Variants in PCDHGB4 observed in about 807,000 individuals in gnomAD.
PCDHGB4 encodes the protein protocadherin gamma subfamily B, 4, also known as protocadherin gamma-B4.
PCDHGB4 carries 38 observed loss-of-function variants against 60.5 expected under a neutral mutation model. That is an observed-to-expected ratio of 0.63 (90% confidence interval 0.48 to 0.82). The LOEUF (loss-of-function observed/expected upper bound fraction) is 0.82, where lower values mean the gene tolerates loss of function less well. PCDHGB4 is among the 40% of genes least tolerant of loss of function. PCDHGB4 has a pLI of 0.00. For synonymous variants in PCDHGB4, 456 were observed against 509.7 expected, an observed-to-expected ratio of 0.89 and a Z score of 1.42; for missense variants, 1,109 against 1,209.6, an observed-to-expected ratio of 0.92 and a Z score of 1.23.
intron 3 of PCDHGB4, 46 bp downstream of exon 3, chr5:141,505,527 T>C: frequency 6.2e-7 from 1 of 1,612,388 alleles, no homozygotes; most frequent in Non-Finnish European, 8.5e-7. Context: ...GACCTGGGGT[T>C]CTGGGGTGCA....
intron 1 of PCDHGB4, among the ~76,000 whole-genome samples, chr5:141,483,907 C>T (rs545585133): frequency 6.0e-5 from 9 of 151,124 alleles, no homozygotes; most frequent in Non-Finnish European, 1.0e-4. Flanking sequence ...TGGTGTGTTT[C>T]CCACTCAGAT....
chr5:141,395,066 G>GACC, intron 1 of PCDHGB4: 1 of 1,614,136 alleles, frequency 6.2e-7, no homozygotes, highest in Non-Finnish European at 8.5e-7. Flanking sequence ...CTTTCCTGCA[G>GACC]ACCTATTCCC....
chr5:141,431,016 C>A lies in PCDHGB4; in HGVS notation c.2397+40735C>A, dbSNP rs755015257. 4 of 1,613,456 alleles carry A rather than the reference C, an allele frequency of 2.5e-6. No individual in the cohort carries two copies. Among genetic ancestry groups the A allele is most frequent in the East Asian group, 2.2e-5 (1 of 44,860 alleles). ...AATCCGCGCAGCGGCAGCTTGGTCA[C>A]GGCGGGCAGGATAGACCGGGAGGAG... is the stretch of plus-strand genomic sequence containing the variant. On this transcript the variant is annotated intron_variant, in intron 1 of 3. Coordinates refer to ENST00000519479, the MANE Select transcript of PCDHGB4 (RefSeq NM_003736.4). The surrounding 1 kb of genome is among the most constrained non-coding windows in gnomAD (Gnocchi z 4.8).
At chr5:141,393,528 G>A in intron 1 of PCDHGB4, 7 of 1,613,988 alleles carry the variant, frequency 4.3e-6, no homozygotes, top group East Asian at 4.5e-5. Context: ...AAATGACAAT[G>A]CCCCGGTTTT....
intron 1 of PCDHGB4, among the ~76,000 whole-genome samples, chr5:141,453,574 G>T (rs1285296493): frequency 6.6e-6 from 1 of 152,084 alleles, no homozygotes; most frequent in Non-Finnish European, 1.5e-5. Context: ...TCATTAGTTT[G>T]TGGTTTATCC....
intron 1 of PCDHGB4, chr5:141,410,112 C>T (rs775292594): frequency 1.9e-6 from 3 of 1,612,566 alleles, no homozygotes; most frequent in East Asian, 4.5e-5. Context: ...GACAGGGACG[C>T]AGCCCGCCAG....
At chr5:141,399,959 G>A (rs1257286209) in intron 1 of PCDHGB4, 4 of 1,612,230 alleles carry the variant, frequency 2.5e-6, no homozygotes, top group South Asian at 1.1e-5. Flanking sequence ...AGCGAGCCCG[G>A]GCTCTTCAGC....
intron 1 of PCDHGB4, chr5:141,478,831 G>C: frequency 7.0e-7 from 1 of 1,435,672 alleles, no homozygotes; most frequent in Non-Finnish European, 9.1e-7. Flanking sequence ...ATCTTGCTAA[G>C]GGATGGTTAA....
chr5:141,404,764 C>T (rs371618979), intron 1 of PCDHGB4: 1 of 1,613,802 alleles, frequency 6.2e-7, no homozygotes, highest in Non-Finnish European at 8.5e-7. Context: ...ATGCTTGGCT[C>T]TCCTACCGCC....
intron 1 of PCDHGB4, among the ~76,000 whole-genome samples, chr5:141,464,749 T>A (rs1026757405): frequency 6.6e-6 from 1 of 152,216 alleles, no homozygotes; most frequent in African/African-American, 2.4e-5. Context: ...ATCTTTTTGT[T>A]TTTTTAGAGA....
intron 1 of PCDHGB4, chr5:141,407,909 G>T: frequency 4.7e-6 from 2 of 425,700 alleles, no homozygotes; most frequent in Non-Finnish European, 8.3e-6. Context: ...TGAAAAACCG[G>T]GCTGCTGTCC....
intron 1 of PCDHGB4, chr5:141,413,532 A>C (rs1269070438): frequency 9.9e-6 from 16 of 1,613,788 alleles, no homozygotes; most frequent in Non-Finnish European, 1.2e-5. Context: ...ACAGGGTGAA[A>C]CTTTTTGGGA....
At chr5:141,439,183 ACT>A (rs1255299140) in intron 1 of PCDHGB4, among the ~76,000 whole-genome samples, 3 of 145,262 alleles carry the variant, frequency 2.1e-5, no homozygotes, top group Non-Finnish European at 3.0e-5. Context: ...ACATAGTGAG[ACT>A]CTGACAAAAA....
At position 141,487,235 on chromosome 5, in the gene PCDHGB4, C is replaced by A. The variant is rs752316565; in HGVS notation, c.2398-7572C>A. ...TTCAGCTCCAAGGGAAGGAGAATCT[C>A]GTCTAACCCTCTACTTGGCTGTGTC... On this transcript the variant is annotated intron_variant, in intron 1 of 3. Coordinates refer to ENST00000519479, the MANE Select transcript of PCDHGB4 (RefSeq NM_003736.4). This position sits in a 1 kb window ranked among gnomAD's most constrained non-coding sequence, Gnocchi z 5.0. 11 of 1,614,126 alleles carry A rather than the reference C, an allele frequency of 6.8e-6. No homozygotes were observed. The highest frequency in any genetic ancestry group is 7.6e-6 in the Non-Finnish European group (9 of 1,179,994).
At chr5:141,480,649 C>A (rs2099522804) in intron 1 of PCDHGB4, among the ~76,000 whole-genome samples, 1 of 152,184 alleles carries the variant, frequency 6.6e-6, no homozygotes, top group Non-Finnish European at 1.5e-5. Flanking sequence ...AACTTGGTTG[C>A]ACATTAAAAT....
chr5:141,451,209 G>C (rs556588482), intron 1 of PCDHGB4, among the ~76,000 whole-genome samples: 1 of 152,266 alleles, frequency 6.6e-6, no homozygotes, highest in African/African-American at 2.4e-5. Flanking sequence ...CCAAAACTTA[G>C]TGGCTTAAAA....
intron 1 of PCDHGB4, chr5:141,418,535 G>A: frequency 6.2e-7 from 1 of 1,614,002 alleles, no homozygotes. Context: ...AAGCGGTACT[G>A]CTCAGATAAG....
intron 1 of PCDHGB4, chr5:141,405,320 C>A (rs1183399090): frequency 6.2e-7 from 1 of 1,614,188 alleles, no homozygotes; most frequent in South Asian, 1.1e-5. Flanking sequence ...GAAAAATGAG[C>A]CTTTGTGCGT....
chr5:141,415,740 G>GTTTT lies in PCDHGB4; in HGVS notation c.2397+25488_2397+25491dup, dbSNP rs57426385. ...TGAGTAGAATTTGATGTTTATTAAG[G>GTTTT]TTTTTTTTTTTTTTTTTTTTTTTTT... On this transcript the variant is annotated intron_variant, in intron 1 of 3. Transcript: ENST00000519479. 3.9e-3 allele frequency: 2,454 copies of GTTTT among 623,032 alleles called. 15 individuals carry two copies. Among genetic ancestry groups the GTTTT allele is most frequent in the South Asian group, 7.6e-3 (262 of 34,698 alleles). 38.6% of individuals were successfully genotyped at this position (623,032 alleles called of 1,614,324 possible).
Sources: allele counts gnomAD v4.1 joint callset (sites outside exome capture counted in the v4.1 genomes callset), GRCh38; gene constraint gnomAD v4.1.1; non-coding constraint Gnocchi (gnomAD v3.1); transcripts MANE v1.5; gene names NCBI Gene and HGNC (gene_info 2026-07-23, HGNC 2026-07-21).